WWOX: variants seen among roughly 807,000 people sequenced by gnomAD.
WWOX encodes WW domain containing oxidoreductase.
WWOX carries 69 observed loss-of-function variants against 46.2 expected under a neutral mutation model. The ratio of observed to expected loss-of-function variants is 1.49; its 90% CI spans 1.23 to 1.82. WWOX has a LOEUF of 1.82. Ranked by LOEUF, WWOX falls within the 40% of genes most tolerant of loss-of-function variation. The pLI, the probability that WWOX is intolerant of heterozygous loss-of-function variation, is 0.00. For missense variants in WWOX, 919 were observed against 542.6 expected, an observed-to-expected ratio of 1.69 and a Z score of -6.89; for synonymous variants, 359 against 202.6, an observed-to-expected ratio of 1.77 and a Z score of -6.56.
chr16:78,559,663 G>C (rs940055757), intron 8 of WWOX, among the ~76,000 whole-genome samples: 1 of 152,208 alleles, frequency 6.6e-6, no homozygotes, highest in Non-Finnish European at 1.5e-5. Context: ...TATTCCGGGA[G>C]GATTTTCTTT....
intron 8 of WWOX, among the ~76,000 whole-genome samples, chr16:78,445,490 C>A (rs141252801): frequency 1.3e-3 from 193 of 152,262 alleles, no homozygotes; most frequent in African/African-American, 4.5e-3. Context: ...AGATGATAGG[C>A]ATGGAAATGA....
At chr16:79,055,611 G>A (rs575824392) in intron 8 of WWOX, among the ~76,000 whole-genome samples, 114 of 152,218 alleles carry the variant, frequency 7.5e-4, no homozygotes, top group Admixed American at 1.6e-3. Flanking sequence ...GAAGATTCAT[G>A]GGCAGAATAA....
At position 78,848,952 on chromosome 16, in the gene WWOX, A is replaced by G. The variant is rs184142034; in HGVS notation, c.1057-362656A>G. 2.0e-5 allele frequency among the ~76,000 whole-genome samples: 3 copies of G among 152,248 alleles called. No homozygotes were observed. In the East Asian group the frequency reaches 5.8e-4, roughly 30 times the overall value. ...GCTGGTTGTGATCATATTTCTATTT[A>G]GGGGTAAAGGTGCTGAAAATCATTT... On this transcript the variant is annotated intron_variant, in intron 8 of 8. Coordinates refer to ENST00000566780, the MANE Select transcript of WWOX (RefSeq NM_016373.4).
chr16:78,696,527 C>G (rs2738640), intron 8 of WWOX, among the ~76,000 whole-genome samples: 2 of 152,188 alleles, frequency 1.3e-5, no homozygotes, highest in South Asian at 4.1e-4. Flanking sequence ...TCTCACAATG[C>G]TAGGCCACAG....
At chr16:78,925,406 A>G (rs142701049) in intron 8 of WWOX, among the ~76,000 whole-genome samples, 2 of 152,300 alleles carry the variant, frequency 1.3e-5, no homozygotes, top group African/African-American at 4.8e-5. Flanking sequence ...CTCTCAGGCA[A>G]AATATGTCCA....
chr16:78,484,939 A>G (rs1457037835), intron 8 of WWOX, among the ~76,000 whole-genome samples: 1 of 152,106 alleles, frequency 6.6e-6, no homozygotes, highest in Admixed American at 6.5e-5. Context: ...TGTGTACTAC[A>G]CAGCCTGTGT....
At chr16:78,767,324 C>G (rs1326672129) in intron 8 of WWOX, among the ~76,000 whole-genome samples, 1 of 151,860 alleles carries the variant, frequency 6.6e-6, no homozygotes, top group African/African-American at 2.4e-5. Flanking sequence ...TTAGTAGAGA[C>G]AGATTTTGCC....
chr16:78,159,732 T>G (rs969415641), intron 4 of WWOX, among the ~76,000 whole-genome samples: 2 of 147,612 alleles, frequency 1.4e-5, no homozygotes, highest in Non-Finnish European at 3.0e-5. Flanking sequence ...ATATTTTGGA[T>G]ATGAACACTA....
intron 5 of WWOX, among the ~76,000 whole-genome samples, chr16:78,204,364 G>T (rs1178466474): frequency 1.3e-5 from 2 of 152,100 alleles, no homozygotes; most frequent in Non-Finnish European, 2.9e-5. Context: ...CACATATGAA[G>T]AATGGGGTAT....
intron 8 of WWOX, among the ~76,000 whole-genome samples, chr16:78,709,877 C>G (rs183768581): frequency 6.6e-6 from 1 of 151,890 alleles, no homozygotes; most frequent in African/African-American, 2.4e-5. Context: ...TACAGGCACC[C>G]GCCACCCGAC....
At chr16:78,744,391 C>T (rs2049298634) in intron 8 of WWOX, among the ~76,000 whole-genome samples, 1 of 148,100 alleles carries the variant, frequency 6.8e-6, no homozygotes, top group African/African-American at 2.5e-5. Context: ...CTTGAAGGGG[C>T]CAGATTAGGA....
intron 8 of WWOX, among the ~76,000 whole-genome samples, chr16:78,793,411 C>G (rs567574553): frequency 6.6e-6 from 1 of 152,112 alleles, no homozygotes; most frequent in Non-Finnish European, 1.5e-5. Context: ...ACAGACTATA[C>G]GGCTGCTCTC....
At chr16:78,941,145 C>G (rs1293221673) in intron 8 of WWOX, among the ~76,000 whole-genome samples, 5 of 152,132 alleles carry the variant, frequency 3.3e-5, no homozygotes, top group African/African-American at 1.2e-4. Flanking sequence ...GATTAACAAG[C>G]AGATATACTG....
intron 5 of WWOX, among the ~76,000 whole-genome samples, chr16:78,330,785 C>T (rs562657147): frequency 6.6e-6 from 1 of 152,310 alleles, no homozygotes; most frequent in South Asian, 2.1e-4. Context: ...TTTCAGTCAC[C>T]CTCAAAGGGG....
At chr16:78,305,094 T>C (rs1597460606) in intron 5 of WWOX, among the ~76,000 whole-genome samples, 1 of 152,212 alleles carries the variant, frequency 6.6e-6, no homozygotes, top group East Asian at 1.9e-4. Context: ...ATTCTGTCTT[T>C]TCTGCTGCTG....
At chr16:78,944,844 C>T (rs957588003) in intron 8 of WWOX, among the ~76,000 whole-genome samples, 5 of 152,082 alleles carry the variant, frequency 3.3e-5, no homozygotes, top group African/African-American at 9.7e-5. Context: ...CCTGGTAATT[C>T]ACCTGGGTCC....
At chr16:78,660,323 G>A (rs1468480901) in intron 8 of WWOX, among the ~76,000 whole-genome samples, 1 of 152,176 alleles carries the variant, frequency 6.6e-6, no homozygotes, top group Non-Finnish European at 1.5e-5. Context: ...TTCCCTGGCA[G>A]ACAGTGGTTC....
intron 8 of WWOX, among the ~76,000 whole-genome samples, chr16:78,933,927 C>G (rs149699255): frequency 6.6e-6 from 1 of 152,134 alleles, no homozygotes; most frequent in African/African-American, 2.4e-5. Context: ...TGAAGTGGCT[C>G]GCACCTGTAA....
At chr16:78,242,323 T>G (rs1408116170) in intron 5 of WWOX, among the ~76,000 whole-genome samples, 2 of 152,220 alleles carry the variant, frequency 1.3e-5, no homozygotes, top group African/African-American at 4.8e-5. Flanking sequence ...TAAAGTTATT[T>G]GTAAAATGAT....
Sources: allele counts gnomAD v4.1 joint callset (sites outside exome capture counted in the v4.1 genomes callset), GRCh38; gene constraint gnomAD v4.1.1; transcripts MANE v1.5; gene names NCBI Gene and HGNC (gene_info 2026-07-23, HGNC 2026-07-21).